The following RIMS1 variants were observed in gnomAD, a reference collection of about 807,000 sequenced individuals.
The protein encoded by RIMS1 is regulating synaptic membrane exocytosis protein 1.
Under a neutral mutation model 214.1 loss-of-function variants are expected in RIMS1, and 83 were observed. That is an observed-to-expected ratio of 0.39 (90% CI 0.32 to 0.47). RIMS1 has a LOEUF of 0.47. RIMS1 is among the 20% of genes least tolerant of loss of function. The probability of loss-of-function intolerance (pLI) is 0.99; values close to 1 mark genes in which losing one functional copy is unlikely to be tolerated. For missense variants in RIMS1, 2,050 were observed against 2,161.8 expected (o/e 0.95, Z 1.03); for synonymous variants, 793 against 786.8 (o/e 1.01, Z -0.13).
At chr6:72,255,983 C>T (rs955731023) in intron 16 of RIMS1, among the ~76,000 whole-genome samples, 1 of 141,368 alleles carries the variant, frequency 7.1e-6, no homozygotes, top group Admixed American at 7.6e-5. Flanking sequence ...TTGCAGTGAG[C>T]CAAGGTCATC....
intron 27 of RIMS1, among the ~76,000 whole-genome samples, chr6:72,311,789 G>A (rs747591751): frequency 2.6e-5 from 4 of 152,076 alleles, no homozygotes; most frequent in Non-Finnish European, 4.4e-5. Flanking sequence ...TGGGTAACAC[G>A]GTGAAACCCC....
intron 6 of RIMS1, among the ~76,000 whole-genome samples, chr6:72,206,935 G>A (rs2056756): frequency 0.53 from 79,978 of 152,086 alleles, 22,752 homozygotes; most frequent in East Asian, 0.83. Context: ...TCTTATTTAC[G>A]TTTTGTAGTA....
chr6:72,308,690 G>C (rs899406184), intron 27 of RIMS1, among the ~76,000 whole-genome samples: 6 of 152,102 alleles, frequency 3.9e-5, no homozygotes, highest in African/African-American at 1.4e-4. Context: ...AGATGCAGAA[G>C]GGCTTCCAAA....
chr6:72,280,334 G>A (rs2089446812), intron 23 of RIMS1, among the ~76,000 whole-genome samples: 2 of 151,926 alleles, frequency 1.3e-5, no homozygotes. Context: ...AATAGTTTCA[G>A]TAGTATGGTA....
At chr6:72,196,832 A>G (rs1165023851) in intron 6 of RIMS1, among the ~76,000 whole-genome samples, 2 of 68,248 alleles carry the variant, frequency 2.9e-5, no homozygotes, top group African/African-American at 5.9e-5. Flanking sequence ...TGGAGTAGAG[A>G]GCTATTTGCC....
Position 72,290,690 on chromosome 6 carries a change from C to T in RIMS1, c.3566C>T (p.Thr1189Ile). Residue 1189 changes from threonine to isoleucine, a missense_variant, in exon 25 of 34, where the codon ACA becomes ATA. Transcript: ENST00000521978. ...CCCTAATGTTTTAGGGTTCTCCCAA[C>T]ATGTCTTTCTAGAAGGGGACACGCA... The part of the protein sequence containing the change: ...TASDAERVLP[T>I]CLSRRGHAAP... 6.2e-7 allele frequency: 1 copy of T among 1,613,414 alleles called. No individual in the cohort carries two copies. The highest frequency in any genetic ancestry group is 8.5e-7 in the Non-Finnish European group (1 of 1,179,578).
intron 1 of RIMS1, among the ~76,000 whole-genome samples, chr6:71,954,850 ACACACACACACACACACACTC>A (rs1217176558): frequency 4.3e-5 from 6 of 140,112 alleles, no homozygotes; most frequent in African/African-American, 1.4e-4. Context: ...TCCTCAGCAC[ACACACACACACACACACACTC>A]CACACACACA....
chr6:71,927,068 A>G (rs770237762), intron 1 of RIMS1, among the ~76,000 whole-genome samples: 14 of 152,138 alleles, frequency 9.2e-5, no homozygotes, highest in Non-Finnish European at 1.6e-4. Flanking sequence ...CTTTATCTGA[A>G]CTGATTAGAG....
intron 1 of RIMS1, among the ~76,000 whole-genome samples, chr6:71,953,747 C>G (rs1381240596): frequency 6.6e-6 from 1 of 152,186 alleles, no homozygotes; most frequent in Non-Finnish European, 1.5e-5. Flanking sequence ...CCAGGATTCT[C>G]AAACCACTTA....
intron 33 of RIMS1, among the ~76,000 whole-genome samples, 154 bp downstream of exon 33, chr6:72,399,248 T>C (rs1241555965): frequency 6.6e-6 from 1 of 152,034 alleles, no homozygotes; most frequent in Non-Finnish European, 1.5e-5. Flanking sequence ...GTTTATAATA[T>C]AAATAATATA....
At chr6:71,936,139 A>G (rs539471087) in intron 1 of RIMS1, among the ~76,000 whole-genome samples, 69 of 151,834 alleles carry the variant, frequency 4.5e-4, no homozygotes, top group African/African-American at 1.2e-3. Context: ...TCACGAGGTC[A>G]GGAGATCGAG....
chr6:72,034,282 A>AG (rs1445446116), intron 2 of RIMS1, among the ~76,000 whole-genome samples: 6 of 152,150 alleles, frequency 3.9e-5, no homozygotes, highest in Admixed American at 3.9e-4. Flanking sequence ...ACATACTAAA[A>AG]AGTTATTCTT....
intron 23 of RIMS1, among the ~76,000 whole-genome samples, chr6:72,283,803 T>C (rs1439727352): frequency 6.6e-6 from 1 of 152,190 alleles, no homozygotes; most frequent in Non-Finnish European, 1.5e-5. Context: ...TCTAGACTAA[T>C]GAAATGTCAG....
chr6:72,053,591 G>T (rs1825313699), intron 2 of RIMS1, among the ~76,000 whole-genome samples: 1 of 152,094 alleles, frequency 6.6e-6, no homozygotes, highest in South Asian at 2.1e-4. Context: ...TACACATAAA[G>T]ATATATGCAG....
intron 29 of RIMS1, among the ~76,000 whole-genome samples, chr6:72,354,854 G>T (rs1245100631): frequency 6.6e-6 from 1 of 152,082 alleles, no homozygotes; most frequent in Non-Finnish European, 1.5e-5. Flanking sequence ...CATCACCTGA[G>T]GTCTGCCCTG....
intron 2 of RIMS1, among the ~76,000 whole-genome samples, chr6:72,057,846 A>G (rs1025824154): frequency 3.9e-5 from 6 of 152,122 alleles, no homozygotes; most frequent in Non-Finnish European, 8.8e-5. Flanking sequence ...CCCAACAGAA[A>G]CTGTCCCAGG....
intron 2 of RIMS1, among the ~76,000 whole-genome samples, chr6:71,986,201 T>G (rs1395196159): frequency 1.3e-5 from 2 of 151,902 alleles, no homozygotes; most frequent in Non-Finnish European, 1.5e-5. Flanking sequence ...TTTTTTTTTT[T>G]TTTTTTTAAT....
At chr6:72,321,068 A>T (rs796538744) in intron 28 of RIMS1, among the ~76,000 whole-genome samples, 1 of 152,048 alleles carries the variant, frequency 6.6e-6, no homozygotes, top group Admixed American at 6.6e-5. Flanking sequence ...TATACGTACT[A>T]CTTATGCAGC....
intron 28 of RIMS1, chr6:72,316,708 G>T (rs1282025867): frequency 3.1e-6 from 2 of 639,168 alleles, no homozygotes; most frequent in East Asian, 3.7e-5. Flanking sequence ...CTGGAAGAGG[G>T]TGTCTAGATC....
Sources: gnomAD v4.1 joint callset for allele counts (sites outside exome capture counted in the v4.1 genomes callset) on GRCh38, gnomAD v4.1.1 for gene constraint, MANE v1.5 for transcripts, NCBI Gene and HGNC (gene_info 2026-07-23, HGNC 2026-07-21) for gene names.